The following MED13L variants were observed in gnomAD, a reference collection of about 807,000 sequenced individuals.
MED13L encodes the protein mediator of RNA polymerase II transcription subunit 13-like.
In MED13L, 7 loss-of-function variants were observed where a neutral mutation model predicts 220.9. That is an observed-to-expected ratio of 0.03 (90% CI 0.02 to 0.06). The LOEUF (loss-of-function observed/expected upper bound fraction) is 0.06. MED13L is among the 10% of genes least tolerant of loss of function. The pLI, the probability that MED13L is intolerant of heterozygous loss-of-function variation, is 1.00. For missense variants in MED13L, 1,965 were observed against 2,760.5 expected, an observed-to-expected ratio of 0.71 and a Z score of 6.46; for synonymous variants, 1,011 against 1,015.2, an observed-to-expected ratio of 1.00 and a Z score of 0.08.
intron 2 of MED13L, among the ~76,000 whole-genome samples, chr12:116,122,947 A>G (rs544620955): frequency 3.5e-4 from 54 of 152,342 alleles, no homozygotes; most frequent in African/African-American, 1.3e-3. Context: ...ACAGGCTGCA[A>G]TGTTACTTTA....
At chr12:116,242,193 C>A (rs1348117116) in intron 1 of MED13L, among the ~76,000 whole-genome samples, 1 of 151,656 alleles carries the variant, frequency 6.6e-6, no homozygotes, top group African/African-American at 2.4e-5. Context: ...TACAGGTGCC[C>A]GCCACCACAC....
chr12:116,167,107 T>C (rs1879334536), intron 2 of MED13L, among the ~76,000 whole-genome samples: 1 of 151,926 alleles, frequency 6.6e-6, no homozygotes, highest in Admixed American at 6.6e-5. Flanking sequence ...AAACAAAAGA[T>C]TAAAGATGAG....
chr12:115,973,135 A>G (rs371932475), intron 25 of MED13L, among the ~76,000 whole-genome samples: 1 of 152,226 alleles, frequency 6.6e-6, no homozygotes, highest in Non-Finnish European at 1.5e-5. Flanking sequence ...GGCTGAAATA[A>G]AAGTGGCCAG....
intron 3 of MED13L, among the ~76,000 whole-genome samples, chr12:116,102,069 C>T (rs1270601279): frequency 6.6e-6 from 1 of 152,154 alleles, no homozygotes; most frequent in East Asian, 1.9e-4. Context: ...TATTTCTGTT[C>T]CCAACCCCCA....
At chr12:116,189,089 C>G (rs1881094752) in intron 2 of MED13L, among the ~76,000 whole-genome samples, 1 of 152,144 alleles carries the variant, frequency 6.6e-6, no homozygotes, top group African/African-American at 2.4e-5. Context: ...AATACAACTG[C>G]TAAATGATAG....
chr12:116,035,176 C>T (rs1881106360), intron 4 of MED13L, among the ~76,000 whole-genome samples: 2 of 152,094 alleles, frequency 1.3e-5, no homozygotes, highest in Non-Finnish European at 2.9e-5. Flanking sequence ...TACATAAAAA[C>T]CTTCAAAAGG....
At chr12:116,108,758 A>C (rs1873818712) in intron 3 of MED13L, among the ~76,000 whole-genome samples, 1 of 152,244 alleles carries the variant, frequency 6.6e-6, no homozygotes, top group Admixed American at 6.5e-5. Flanking sequence ...GAGGGCTCAA[A>C]TAGAGCATTC....
In MED13L at chr12:116,111,469, A is replaced by G; in HGVS notation, c.354T>C (p.Cys118=). 2 of 1,612,206 alleles carry G rather than the reference A, an allele frequency of 1.2e-6. No individual in the cohort carries two copies. Among genetic ancestry groups the G allele is most frequent in the Non-Finnish European group, 8.5e-7 (1 of 1,179,670 alleles). ...GGATCGCTTTGAAGAGCAGCGTCCT[A>G]CATTCATAGGAAAGGCCATTTTCCC... The part of the protein sequence containing the change: ...GLWENGLSYE[C]RTLLFKAIHN... Residue 118 remains cysteine (C), a synonymous_variant, in exon 3 of 31, where the codon TGT becomes TGC. Coordinates refer to ENST00000281928, the MANE Select transcript of MED13L (RefSeq NM_015335.5).
At chr12:116,130,513 G>C (rs937757547) in intron 2 of MED13L, among the ~76,000 whole-genome samples, 1 of 152,214 alleles carries the variant, frequency 6.6e-6, no homozygotes, top group East Asian at 1.9e-4. Flanking sequence ...AAATGAGCAA[G>C]TCAAGCTTGA....
intron 2 of MED13L, among the ~76,000 whole-genome samples, chr12:116,207,143 ATT>A (rs1431457381): frequency 2.0e-5 from 3 of 151,934 alleles, no homozygotes; most frequent in Non-Finnish European, 4.4e-5. Context: ...ATAAAACTGA[ATT>A]TTTACTGCAC....
Position 116,008,994 on chromosome 12 carries a change from C to T in MED13L, c.1419G>A (p.Gln473=). 6.2e-7 allele frequency: 1 copy of T among 1,614,078 alleles called. No homozygotes were observed. The highest frequency in any genetic ancestry group is 1.6e-4 in the Middle Eastern group (1 of 6,062). The change falls in exon 10 of 31, where the codon CAG becomes CAA. Residue 473 remains glutamine (Q), a synonymous_variant. Coordinates refer to ENST00000281928, the MANE Select transcript of MED13L (RefSeq NM_015335.5). ...TCTTTTGCAGCTTGTCTCCTTTTTCCTGTCTTTCTGCTGTTTTGTGCTTAG... is the reference window on the plus strand; with the variant it reads ...TCTTTTGCAGCTTGTCTCCTTTTTCTTGTCTTTCTGCTGTTTTGTGCTTAG... ...ASSKHKTAER[Q]EKGDKLQKRP... is the part of the protein sequence containing the mutation.
intron 1 of MED13L, among the ~76,000 whole-genome samples, chr12:116,251,343 C>CTTGG (rs1593211756): frequency 1.4e-5 from 1 of 73,796 alleles, no homozygotes; most frequent in Non-Finnish European, 2.6e-5. Flanking sequence ...TTGTATTTTA[C>CTTGG]TAGAGATGGG....
chr12:116,037,646 T>C (rs1455689999), intron 4 of MED13L, among the ~76,000 whole-genome samples: 1 of 152,092 alleles, frequency 6.6e-6, no homozygotes, highest in Non-Finnish European at 1.5e-5. Flanking sequence ...GGGTAGTGCG[T>C]TATAAATTCT....
At chr12:116,253,296 G>A (rs1001926379) in intron 1 of MED13L, among the ~76,000 whole-genome samples, 24 of 147,132 alleles carry the variant, frequency 1.6e-4, no homozygotes, top group Non-Finnish European at 2.2e-4. Context: ...AAAAAAAGAC[G>A]TGGAATTCAT....
At chr12:116,062,856 A>G (rs1294826366) in intron 4 of MED13L, among the ~76,000 whole-genome samples, 1 of 152,176 alleles carries the variant, frequency 6.6e-6, no homozygotes, top group East Asian at 1.9e-4. Context: ...GGAGTCCCAG[A>G]GGTCTTCAGA....
intron 1 of MED13L, among the ~76,000 whole-genome samples, chr12:116,259,022 T>G (rs974157225): frequency 2.6e-5 from 4 of 151,550 alleles, no homozygotes; most frequent in African/African-American, 9.7e-5. Flanking sequence ...AAATGTAAAC[T>G]GACACATCTT....
At chr12:116,135,215 T>A (rs1876433138) in intron 2 of MED13L, among the ~76,000 whole-genome samples, 1 of 152,038 alleles carries the variant, frequency 6.6e-6, no homozygotes, top group South Asian at 2.1e-4. Context: ...ATAATCTCTA[T>A]GGGTAGGTTA....
intron 2 of MED13L, among the ~76,000 whole-genome samples, chr12:116,184,607 T>C (rs553286887): frequency 3.9e-5 from 6 of 152,294 alleles, no homozygotes; most frequent in African/African-American, 1.2e-4. Flanking sequence ...CAACCTAGAA[T>C]GTGAACAGTC....
At chr12:115,962,086 C>T (rs1351248169) in intron 30 of MED13L, among the ~76,000 whole-genome samples, 1 of 152,112 alleles carries the variant, frequency 6.6e-6, no homozygotes, top group East Asian at 1.9e-4. Flanking sequence ...AAATATATTA[C>T]TAAAATTAAC....
Sources: allele counts gnomAD v4.1 joint callset (sites outside exome capture counted in the v4.1 genomes callset), GRCh38; gene constraint gnomAD v4.1.1; transcripts MANE v1.5; gene names NCBI Gene and HGNC (gene_info 2026-07-23, HGNC 2026-07-21).